PCSK2: variants seen among roughly 807,000 people sequenced by gnomAD.
The protein encoded by PCSK2 is neuroendocrine convertase 2.
In PCSK2, 14 loss-of-function variants were observed where a neutral mutation model predicts 69.7. That is an observed-to-expected ratio of 0.20 (90% CI 0.13 to 0.31). The LOEUF is 0.31. PCSK2 is among the 10% of genes least tolerant of loss of function. The pLI is 1.00. For missense variants in PCSK2, 544 were observed against 842.5 expected (o/e 0.65, Z 4.39); for synonymous variants, 307 against 320.7 (o/e 0.96, Z 0.46).
intron 6 of PCSK2, among the ~76,000 whole-genome samples, chr20:17,426,584 A>G (rs1163907032): frequency 6.6e-6 from 1 of 152,238 alleles, no homozygotes; most frequent in Non-Finnish European, 1.5e-5. Flanking sequence ...TGGCTCACCT[A>G]AGTCTGGAGA....
chr20:17,365,436 C>T (rs1236713878), intron 4 of PCSK2, among the ~76,000 whole-genome samples: 2 of 152,126 alleles, frequency 1.3e-5, no homozygotes, highest in African/African-American at 4.8e-5. Flanking sequence ...AGCATTTCAC[C>T]CTGCCCGCAA....
intron 10 of PCSK2, among the ~76,000 whole-genome samples, chr20:17,459,221 G>A (rs2032972718): frequency 1.3e-5 from 2 of 152,260 alleles, no homozygotes; most frequent in African/African-American, 4.8e-5. Context: ...AGAAACAGAC[G>A]ATTTATGTGC....
At chr20:17,247,724 C>G (rs1986818862) in intron 1 of PCSK2, among the ~76,000 whole-genome samples, 1 of 152,258 alleles carries the variant, frequency 6.6e-6, no homozygotes, top group African/African-American at 2.4e-5. Flanking sequence ...GCCAAGGTCA[C>G]AGACCCTCTG....
At chr20:17,286,805 G>A (rs1988524427) in intron 2 of PCSK2, among the ~76,000 whole-genome samples, 1 of 152,192 alleles carries the variant, frequency 6.6e-6, no homozygotes. Context: ...CCAGTGAAGG[G>A]GGTTGTGCTC....
chr20:17,397,701 A>G (rs1228302923), intron 5 of PCSK2, among the ~76,000 whole-genome samples: 1 of 151,466 alleles, frequency 6.6e-6, no homozygotes, highest in African/African-American at 2.4e-5. Flanking sequence ...CTGGTCTTGA[A>G]CTCCTGACCT....
chr20:17,349,449 C>A (rs891022966), intron 2 of PCSK2, among the ~76,000 whole-genome samples: 1 of 152,188 alleles, frequency 6.6e-6, no homozygotes, highest in African/African-American at 2.4e-5. Context: ...AGAGGAAGAA[C>A]TTACTCTGTC....
intron 1 of PCSK2, among the ~76,000 whole-genome samples, chr20:17,233,198 G>A (rs1197236100): frequency 1.3e-5 from 2 of 152,134 alleles, no homozygotes; most frequent in Admixed American, 1.3e-4. Flanking sequence ...CTGGAAACTT[G>A]GCTAGGTTAC....
intron 2 of PCSK2, among the ~76,000 whole-genome samples, chr20:17,312,311 C>T (rs1231078112): frequency 2.6e-5 from 4 of 152,124 alleles, no homozygotes; most frequent in African/African-American, 9.7e-5. Context: ...CTTGTAATTT[C>T]TCTAGAAGTA....
intron 2 of PCSK2, among the ~76,000 whole-genome samples, chr20:17,317,273 G>A (rs1989717696): frequency 6.6e-6 from 1 of 152,194 alleles, no homozygotes; most frequent in African/African-American, 2.4e-5. Flanking sequence ...AGAGAAATGT[G>A]AATTACTGAT....
intron 4 of PCSK2, among the ~76,000 whole-genome samples, chr20:17,363,926 T>C (rs908285603): frequency 2.5e-4 from 38 of 152,294 alleles, no homozygotes; most frequent in African/African-American, 6.0e-4. Flanking sequence ...CACAACTAAT[T>C]CTAACCACCA....
intron 7 of PCSK2, among the ~76,000 whole-genome samples, chr20:17,435,599 C>T (rs1257773216): frequency 6.6e-6 from 1 of 152,204 alleles, no homozygotes; most frequent in Non-Finnish European, 1.5e-5. Flanking sequence ...TCAGGCACAA[C>T]ATCCTTTGGC....
At chr20:17,330,514 A>G (rs1220687963) in intron 2 of PCSK2, among the ~76,000 whole-genome samples, 1 of 152,128 alleles carries the variant, frequency 6.6e-6, no homozygotes, top group Non-Finnish European at 1.5e-5. Flanking sequence ...GAATCCCTTG[A>G]ACCAGGGAGG....
At chr20:17,246,768 C>T (rs1986787481) in intron 1 of PCSK2, among the ~76,000 whole-genome samples, 1 of 149,822 alleles carries the variant, frequency 6.7e-6, no homozygotes, top group African/African-American at 2.5e-5. Context: ...GGGAGAGCAG[C>T]TGTTGTTTCA....
chr20:17,378,770 T>G (rs2031007371), intron 5 of PCSK2, among the ~76,000 whole-genome samples: 1 of 152,150 alleles, frequency 6.6e-6, no homozygotes, highest in Non-Finnish European at 1.5e-5. Flanking sequence ...TTTATTCCAT[T>G]TATCACTAAA....
At chr20:17,318,325 G>A (rs561523752) in intron 2 of PCSK2, among the ~76,000 whole-genome samples, 1 of 152,278 alleles carries the variant, frequency 6.6e-6, no homozygotes, top group Admixed American at 6.5e-5. Context: ...TGTGAGAGAT[G>A]AAGCATGTTA....
At chr20:17,438,361 C>T (rs932373028) in intron 8 of PCSK2, among the ~76,000 whole-genome samples, 1 of 152,088 alleles carries the variant, frequency 6.6e-6, no homozygotes, top group Non-Finnish European at 1.5e-5. Context: ...CTATGTTTAA[C>T]GCAGGCATAA....
At chr20:17,317,276 T>A (rs1989717777) in intron 2 of PCSK2, among the ~76,000 whole-genome samples, 1 of 152,246 alleles carries the variant, frequency 6.6e-6, no homozygotes, top group East Asian at 1.9e-4. Flanking sequence ...GAAATGTGAA[T>A]TACTGATACA....
chr20:17,328,380 A>G (rs1990121493), intron 2 of PCSK2, among the ~76,000 whole-genome samples: 1 of 148,728 alleles, frequency 6.7e-6, no homozygotes, highest in Non-Finnish European at 1.5e-5. Flanking sequence ...CCTAACATAT[A>G]TTACATAATT....
intron 2 of PCSK2, among the ~76,000 whole-genome samples, chr20:17,314,618 T>C (rs1308717584): frequency 6.6e-6 from 1 of 152,224 alleles, no homozygotes; most frequent in Non-Finnish European, 1.5e-5. Context: ...GGGTTTGTTT[T>C]TTCTGCTTTT....
Sources: allele counts gnomAD v4.1 joint callset (sites outside exome capture counted in the v4.1 genomes callset), GRCh38; gene constraint gnomAD v4.1.1; transcripts MANE v1.5; gene names NCBI Gene and HGNC (gene_info 2026-07-23, HGNC 2026-07-21).